TLE4: variants seen among roughly 807,000 people sequenced by gnomAD.
The protein encoded by TLE4 is transducin-like enhancer protein 4.
Under a neutral mutation model 92.8 loss-of-function variants are expected in TLE4, and 8 were observed. The observed-to-expected ratio is 0.09, with a 90% CI of 0.05 to 0.16. The LOEUF (loss-of-function observed/expected upper bound fraction) is 0.16, where lower values mean the gene tolerates loss of function less well. Ranked by LOEUF, TLE4 falls within the 10% of genes least tolerant of loss-of-function variation. The pLI, the probability that TLE4 is intolerant of heterozygous loss-of-function variation, is 1.00. For missense variants in TLE4, 675 were observed against 997.6 expected, an observed-to-expected ratio of 0.68 and a Z score of 4.36; for synonymous variants, 371 against 374.1, an observed-to-expected ratio of 0.99 and a Z score of 0.10.
chr9:79,687,245 G>A (rs922100777), intron 8 of TLE4, among the ~76,000 whole-genome samples: 1 of 152,176 alleles, frequency 6.6e-6, no homozygotes, highest in East Asian at 1.9e-4. Flanking sequence ...ATGGGCTTGG[G>A]TTAGTGTTGC....
intron 4 of TLE4, among the ~76,000 whole-genome samples, chr9:79,598,880 T>G (rs1378621560): frequency 6.6e-6 from 1 of 152,218 alleles, no homozygotes; most frequent in East Asian, 1.9e-4. Context: ...AGATCAGTTT[T>G]GCATTCAGAA....
intron 8 of TLE4, among the ~76,000 whole-genome samples, chr9:79,658,357 G>A (rs1013284544): frequency 6.6e-6 from 1 of 151,884 alleles, no homozygotes; most frequent in African/African-American, 2.4e-5. Context: ...TTTTCTCTGG[G>A]TATATACACT....
chr9:79,633,415 C>T (rs2133746683), intron 6 of TLE4, among the ~76,000 whole-genome samples: 1 of 152,274 alleles, frequency 6.6e-6, no homozygotes, highest in South Asian at 2.1e-4. Flanking sequence ...GCTGAGCCAT[C>T]CTTTCCTTTC....
At chr9:79,611,874 TATAAAA>T (rs200408325) in intron 4 of TLE4, among the ~76,000 whole-genome samples, 3,029 of 150,706 alleles carry the variant, frequency 0.02, 52 homozygotes, top group Non-Finnish European at 0.033. Context: ...TGTCTGTACT[TATAAAA>T]ATTATTAGAG....
At chr9:79,591,536 G>A (rs1012536418) in intron 4 of TLE4, among the ~76,000 whole-genome samples, 1 of 152,182 alleles carries the variant, frequency 6.6e-6, no homozygotes, top group Non-Finnish European at 1.5e-5. Flanking sequence ...GACCATATCT[G>A]TTTTGCTAAT....
At position 79,618,526 on chromosome 9, in the gene TLE4, G is replaced by T. The variant is rs1285734738; in HGVS notation, c.315+5808G>T. Among the ~76,000 whole-genome samples the T allele has an allele frequency of 5.9e-5, 9 of 152,094 alleles. 1 individual carries two copies. Among genetic ancestry groups the T allele is most frequent in the Admixed American group, 5.9e-4 (9 of 15,270 alleles). On this transcript the variant is annotated intron_variant, in intron 5 of 19. Transcript: ENST00000376552. ...CTAATTCTCATTTATTAAACTCATG[G>T]TCATTGTTACCTTTAGAGAAATGGC...
At chr9:79,587,069 A>T (rs966391064) in intron 4 of TLE4, among the ~76,000 whole-genome samples, 2 of 152,206 alleles carry the variant, frequency 1.3e-5, no homozygotes, top group Non-Finnish European at 2.9e-5. Context: ...CATTCTGACT[A>T]TATTTTTGTT....
In TLE4 at chr9:79,627,452, C is replaced by T. The variant is rs2052903178; in HGVS notation, c.390+4C>T. 9.3e-6 allele frequency: 15 copies of T among 1,614,004 alleles called. No homozygotes were observed. The highest frequency in any genetic ancestry group is 4.5e-5 in the East Asian group (2 of 44,890). On this transcript the variant is annotated splice_donor_region_variant and intron_variant, in intron 6 of 19. Coordinates refer to ENST00000376552, the MANE Select transcript of TLE4 (RefSeq NM_007005.6). ...AGAACTGAACGCCATCATTGGGGTA[C>T]GTGGCCTTTCCATTTTAGCTCTGAT...
chr9:79,619,411 T>C (rs1394564716), intron 5 of TLE4, among the ~76,000 whole-genome samples: 2 of 152,222 alleles, frequency 1.3e-5, no homozygotes, highest in Admixed American at 6.5e-5. Context: ...AAAAATGTGA[T>C]CAGTCACTTT....
chr9:79,572,863 C>A, intron 1 of TLE4, 28 bp downstream of exon 1: 1 of 1,591,322 alleles, frequency 6.3e-7, no homozygotes, highest in Non-Finnish European at 8.6e-7. Context: ...GGCGCGGGCT[C>A]GCCGGGTGCT....
At chr9:79,637,022 T>A (rs2056038565) in intron 6 of TLE4, among the ~76,000 whole-genome samples, 1 of 111,092 alleles carries the variant, frequency 9.0e-6, no homozygotes, top group Admixed American at 8.0e-5. Flanking sequence ...CAGTTCTGGG[T>A]TTCACTTATA....
rs952730821 is a variant in TLE4 at position 79,642,230 on chromosome 9, T to TA, written c.391-10353dup. ...TAGGCTTTTTAAATGCTGCTTTACT[T>TA]AAAAAAAAAAGAAAAAAAAGAAGAA... On this transcript the variant is annotated intron_variant, in intron 6 of 19. Coordinates refer to ENST00000376552, the MANE Select transcript of TLE4 (RefSeq NM_007005.6). Among the ~76,000 whole-genome samples the TA allele has an allele frequency of 2.1e-3, 315 of 146,644 alleles. 1 individual carries two copies. The highest frequency in any genetic ancestry group is 6.6e-3 in the African/African-American group (262 of 39,948).
Position 79,721,747 on chromosome 9 carries a change from C to T in TLE4, c.1845C>T (p.Phe615=). The T allele has an allele frequency of 1.9e-6, 3 of 1,614,046 alleles. No individual in the cohort carries two copies. Among genetic ancestry groups the T allele is most frequent in the Non-Finnish European group, 2.5e-6 (3 of 1,180,004 alleles). The change falls in exon 17 of 20, where the codon TTC becomes TTT. Residue 615 remains phenylalanine (F), a synonymous_variant. Transcript: ENST00000376552. ...TCCATTTTGACATTTTCAGGCAATT[C>T]CAGGGCCACACAGATGGAGCCAGCT... ...DLHNQTLVRQ[F]QGHTDGASCI...
intron 4 of TLE4, among the ~76,000 whole-genome samples, chr9:79,604,122 G>C (rs944876951): frequency 5.9e-5 from 9 of 152,160 alleles, no homozygotes; most frequent in Admixed American, 5.9e-4. Context: ...GTGGGAGGAG[G>C]ACGAGTAATT....
At chr9:79,578,807 G>A (rs2038759721) in intron 4 of TLE4, among the ~76,000 whole-genome samples, 1 of 149,972 alleles carries the variant, frequency 6.7e-6, no homozygotes. Context: ...TGAGTAAATA[G>A]CATTAGTCTG....
intron 5 of TLE4, among the ~76,000 whole-genome samples, chr9:79,614,308 C>T (rs918830990): frequency 6.6e-6 from 1 of 152,044 alleles, no homozygotes; most frequent in Non-Finnish European, 1.5e-5. Flanking sequence ...TGTATATGAT[C>T]GCTGGTATGG....
chr9:79,636,137 T>C (rs2055746070), intron 6 of TLE4, among the ~76,000 whole-genome samples: 1 of 152,048 alleles, frequency 6.6e-6, no homozygotes, highest in Non-Finnish European at 1.5e-5. Context: ...AAATAGGATC[T>C]ATTGGTCCTC....
intron 4 of TLE4, among the ~76,000 whole-genome samples, chr9:79,599,236 C>T (rs747033634): frequency 1.3e-5 from 2 of 152,184 alleles, no homozygotes; most frequent in African/African-American, 2.4e-5. Context: ...CATTCAAGAC[C>T]TTCCATAGTC....
chr9:79,574,393 C>T (rs2037023511), intron 2 of TLE4, among the ~76,000 whole-genome samples: 1 of 152,090 alleles, frequency 6.6e-6, no homozygotes. Context: ...TGGTGGTATT[C>T]AACTTGTCTG....
Sources: gnomAD v4.1 joint callset for allele counts (sites outside exome capture counted in the v4.1 genomes callset) on GRCh38, gnomAD v4.1.1 for gene constraint, MANE v1.5 for transcripts, NCBI Gene and HGNC (gene_info 2026-07-23, HGNC 2026-07-21) for gene names.